Variants in TMEM132D observed in about 807,000 individuals in gnomAD.
TMEM132D encodes transmembrane protein 132D.
Under a neutral mutation model 62.3 loss-of-function variants are expected in TMEM132D, and 21 were observed. The ratio of observed to expected loss-of-function variants is 0.34; its 90% CI spans 0.24 to 0.49. TMEM132D has a LOEUF of 0.49. TMEM132D is among the 20% of genes least tolerant of loss of function. The pLI is 0.99. For missense variants in TMEM132D, 1,346 were observed against 1,402.8 expected (o/e 0.96, Z 0.65); for synonymous variants, 621 against 575.6 (o/e 1.08, Z -1.13).
At chr12:129,549,373 G>A (rs1361598888) in intron 2 of TMEM132D, among the ~76,000 whole-genome samples, 7 of 151,708 alleles carry the variant, frequency 4.6e-5, no homozygotes, top group African/African-American at 9.7e-5. Context: ...TAATTTCCAC[G>A]TGTTGTGGGA....
At chr12:129,202,350 CTT>C (rs1389722170) in intron 5 of TMEM132D, among the ~76,000 whole-genome samples, 1 of 152,178 alleles carries the variant, frequency 6.6e-6, no homozygotes. Context: ...CCAGGTGACT[CTT>C]TGTCAACATC....
chr12:129,554,218 G>T (rs1876987282), intron 2 of TMEM132D, among the ~76,000 whole-genome samples: 1 of 152,152 alleles, frequency 6.6e-6, no homozygotes, highest in South Asian at 2.1e-4. Context: ...GACCTCATCT[G>T]AGGACTGCCC....
rs765910461 is a variant in TMEM132D, at chr12:129,074,457, A to G, written c.2718T>C (p.Leu906=). The G allele has an allele frequency of 1.9e-6, 3 of 1,614,128 alleles. No individual in the cohort carries two copies. The highest frequency in any genetic ancestry group is 2.5e-6 in the Non-Finnish European group (3 of 1,180,036). ...CGCTCAGCCCTTTGGATGCCTGCAT[A>G]AGGTCATTCCCATCCATTTCCCCAT... ...RSNGEMDGND[L]MQASKGLSDL... Residue 906 remains leucine (L), a synonymous_variant, in exon 9 of 9, where the codon CTT becomes CTC. Transcript: ENST00000422113.
chr12:129,249,970 C>G (rs1880222266), intron 4 of TMEM132D, among the ~76,000 whole-genome samples: 1 of 152,124 alleles, frequency 6.6e-6, no homozygotes, highest in African/African-American at 2.4e-5. Context: ...TTACCAGAAT[C>G]CAGAGACCAG....
chr12:129,270,317 A>G (rs947725056), intron 4 of TMEM132D, among the ~76,000 whole-genome samples: 1 of 152,214 alleles, frequency 6.6e-6, no homozygotes, highest in Non-Finnish European at 1.5e-5. Flanking sequence ...TGGTTACCAT[A>G]GAAACCCTGT....
At chr12:129,516,456 A>G (rs76853895) in intron 3 of TMEM132D, among the ~76,000 whole-genome samples, 4 of 152,354 alleles carry the variant, frequency 2.6e-5, no homozygotes, top group South Asian at 4.1e-4. Context: ...CAATCATGGC[A>G]GAAGGTGAAA....
chr12:129,256,627 G>A (rs77913922), intron 4 of TMEM132D, among the ~76,000 whole-genome samples: 3,673 of 152,260 alleles, frequency 0.024, 154 homozygotes, highest in African/African-American at 0.084. Flanking sequence ...TCGCGATGTT[G>A]GCTAGGCTGG....
chr12:129,835,052 AC>A (rs1163248578), intron 1 of TMEM132D, among the ~76,000 whole-genome samples: 18 of 152,186 alleles, frequency 1.2e-4, no homozygotes, highest in Admixed American at 1.3e-4. Context: ...GCACTAGGAC[AC>A]ATGCCCACAT....
Position 129,073,631 on chromosome 12 carries a change from C to T in TMEM132D, c.*244G>A. On this transcript the variant is annotated 3_prime_UTR_variant, in exon 9 of 9. Coordinates refer to ENST00000422113, the MANE Select transcript of TMEM132D (RefSeq NM_133448.3). ...AGTGATTCAGAACTCGTTTTTGTTTCAAGTCTTAAAAATCTTGCCATGCAT... is the reference window on the plus strand; with the variant it reads ...AGTGATTCAGAACTCGTTTTTGTTTTAAGTCTTAAAAATCTTGCCATGCAT... 2.5e-6 allele frequency: 1 copy of T among 404,330 alleles called. No homozygotes were observed. The highest frequency in any genetic ancestry group is 4.4e-6 in the Non-Finnish European group (1 of 228,782). The allele number at this position is 404,330 out of a possible 1,614,324, so 25.0% of individuals were successfully genotyped here. A position where few individuals can be genotyped will look rare whatever the true frequency, so the allele number is the denominator to read the frequency against.
chr12:129,779,894 T>G lies in TMEM132D; in HGVS notation c.80-79196A>C, dbSNP rs1169520209. On this transcript the variant is annotated intron_variant, in intron 1 of 8. Coordinates refer to ENST00000422113, the MANE Select transcript of TMEM132D (RefSeq NM_133448.3). The surrounding 1 kb of genome is among the most constrained non-coding windows in gnomAD (Gnocchi z 4.1). ...ATCTGCAGGTGAAGCACATTACTATTTTTACCAACGTGCTTTTACGCATTG... is the reference window on the plus strand; with the variant it reads ...ATCTGCAGGTGAAGCACATTACTATGTTTACCAACGTGCTTTTACGCATTG... Among the ~76,000 whole-genome samples the G allele has an allele frequency of 6.6e-6, 1 of 152,012 alleles. No individual in the cohort carries two copies. The highest frequency in any genetic ancestry group is 1.9e-4 in the East Asian group (1 of 5,174).
At chr12:129,343,766 A>C (rs938923647) in intron 3 of TMEM132D, among the ~76,000 whole-genome samples, 13 of 149,808 alleles carry the variant, frequency 8.7e-5, no homozygotes, top group African/African-American at 1.5e-4. Flanking sequence ...AAAAACAAAA[A>C]AAAACAAAAA....
intron 4 of TMEM132D, among the ~76,000 whole-genome samples, chr12:129,336,235 G>A (rs59306280): frequency 6.6e-6 from 1 of 152,078 alleles, no homozygotes; most frequent in African/African-American, 2.4e-5. Context: ...ATGTCAAGGG[G>A]GTCTCCACTG....
intron 1 of TMEM132D, among the ~76,000 whole-genome samples, chr12:129,799,163 G>A (rs1006368957): frequency 1.3e-5 from 2 of 152,228 alleles, no homozygotes; most frequent in African/African-American, 4.8e-5. Context: ...TACTCAGGAG[G>A]CTGAGGCAGG....
At chr12:129,673,403 T>C (rs1045692439) in intron 2 of TMEM132D, among the ~76,000 whole-genome samples, 1 of 152,224 alleles carries the variant, frequency 6.6e-6, no homozygotes, top group Non-Finnish European at 1.5e-5. Flanking sequence ...CGTTTTTCCA[T>C]TCTACTTTCA....
intron 3 of TMEM132D, among the ~76,000 whole-genome samples, chr12:129,465,146 T>C (rs1217038387): frequency 2.6e-5 from 4 of 152,322 alleles, no homozygotes; most frequent in South Asian, 2.1e-4. Flanking sequence ...TTTTATTTCA[T>C]TGAGCAGTGA....
chr12:129,587,557 C>T (rs1050309915), intron 2 of TMEM132D, among the ~76,000 whole-genome samples: 4 of 152,066 alleles, frequency 2.6e-5, no homozygotes, highest in South Asian at 2.1e-4. Flanking sequence ...AAAAAAAACT[C>T]GCTCCAGAGC....
At chr12:129,435,633 G>A (rs1872767494) in intron 3 of TMEM132D, among the ~76,000 whole-genome samples, 1 of 152,100 alleles carries the variant, frequency 6.6e-6, no homozygotes, top group Admixed American at 6.5e-5. Context: ...GCAGTACGAT[G>A]TTTACCTCTG....
chr12:129,473,324 G>GTTT (rs751523415), intron 3 of TMEM132D, among the ~76,000 whole-genome samples: 29,779 of 79,834 alleles, frequency 0.37, 7,390 homozygotes, highest in Non-Finnish European at 0.43. Context: ...TTTAGTTTTT[G>GTTT]TTTTTTTTTT....
intron 3 of TMEM132D, among the ~76,000 whole-genome samples, chr12:129,482,945 CTGTGTGTG>C (rs59346043): frequency 0.11 from 15,893 of 144,144 alleles, 918 homozygotes; most frequent in South Asian, 0.21. Flanking sequence ...CATATTTAAT[CTGTGTGTG>C]TGTGTGTGTG....
Sources: allele counts gnomAD v4.1 joint callset (sites outside exome capture counted in the v4.1 genomes callset), GRCh38; gene constraint gnomAD v4.1.1; non-coding constraint Gnocchi (gnomAD v3.1); transcripts MANE v1.5; gene names NCBI Gene and HGNC (gene_info 2026-07-23, HGNC 2026-07-21).